CLEC2L: variants seen among roughly 807,000 people sequenced by gnomAD.
CLEC2L encodes C-type lectin domain family 2, member L.
In CLEC2L, 14 loss-of-function variants were observed where a neutral mutation model predicts 23.6. The observed-to-expected ratio is 0.59, with a 90% CI of 0.39 to 0.93. The LOEUF (loss-of-function observed/expected upper bound fraction) is 0.93, where lower values mean the gene tolerates loss of function less well. CLEC2L is among the 40% of genes least tolerant of loss of function. CLEC2L has a pLI of 0.00. For synonymous variants in CLEC2L, 114 were observed against 121.3 expected, an observed-to-expected ratio of 0.94 and a Z score of 0.40; for missense variants, 264 against 282.4, an observed-to-expected ratio of 0.93 and a Z score of 0.47.
At chr7:139,524,943 G>T (rs1432004216) in intron 1 of CLEC2L, among the ~76,000 whole-genome samples, 13 of 152,114 alleles carry the variant, frequency 8.5e-5, no homozygotes, top group African/African-American at 2.9e-4. Flanking sequence ...AGAAAAGGAG[G>T]GCTTCCCAGG....
At chr7:139,538,863 C>T (rs756693127) in intron 2 of CLEC2L, among the ~76,000 whole-genome samples, 1 of 152,208 alleles carries the variant, frequency 6.6e-6, no homozygotes, top group Non-Finnish European at 1.5e-5. Flanking sequence ...TCCTTTTCCC[C>T]TCTTACTAGG....
At chr7:139,531,913 A>T (rs1797588268) in intron 1 of CLEC2L, among the ~76,000 whole-genome samples, 1 of 152,060 alleles carries the variant, frequency 6.6e-6, no homozygotes, top group Non-Finnish European at 1.5e-5. Context: ...CTGTCTCAAA[A>T]AAAAAAAGAA....
Position 139,538,437 on chromosome 7 carries a change from AAAAAAAC to A in CLEC2L, c.266-1863_266-1857del, listed in dbSNP as rs375753465. ...ACAGAAGAGACTCTGTCTCAAAAAA[AAAAAAAC>A]AAAAAACAAAAAACAAAAAAAGGTC... is the stretch of plus-strand genomic sequence containing the variant. On this transcript the variant is annotated intron_variant, in intron 2 of 4. Coordinates refer to ENST00000422142, the MANE Select transcript of CLEC2L (RefSeq NM_001080511.4). 6.2e-3 allele frequency among the ~76,000 whole-genome samples: 931 copies of A among 150,244 alleles called. 6 individuals are homozygous for A. Among genetic ancestry groups the A allele is most frequent in the Non-Finnish European group, 0.011 (729 of 67,756 alleles).
intron 1 of CLEC2L, among the ~76,000 whole-genome samples, chr7:139,527,538 T>C (rs554374291): frequency 1.3e-5 from 2 of 152,318 alleles, no homozygotes; most frequent in South Asian, 4.2e-4. Flanking sequence ...AAGTCTTTTC[T>C]CTCGCTGTAG....
chr7:139,538,134 T>G (rs1439326347), intron 2 of CLEC2L, among the ~76,000 whole-genome samples: 1 of 152,088 alleles, frequency 6.6e-6, no homozygotes, highest in Non-Finnish European at 1.5e-5. Flanking sequence ...TTCTGAGTGT[T>G]TAGAAATGGA....
chr7:139,531,104 G>A (rs1020071110), intron 1 of CLEC2L, among the ~76,000 whole-genome samples: 1 of 152,180 alleles, frequency 6.6e-6, no homozygotes, highest in Non-Finnish European at 1.5e-5. Context: ...GGGCTTGGAG[G>A]CTCCAGTGAA....
At chr7:139,542,772 G>T (rs75111088) in intron 4 of CLEC2L, among the ~76,000 whole-genome samples, 1 of 152,174 alleles carries the variant, frequency 6.6e-6, no homozygotes, top group African/African-American at 2.4e-5. Context: ...GCCAGGTCTG[G>T]TGTGTGGTGT....
chr7:139,540,442 C>T lies in CLEC2L; in HGVS notation c.387C>T (p.His129=). ...RDWNTGRQYC[H]THEAVLAVIQ... is the part of the protein sequence containing the mutation. ...GGAACACAGGCAGGCAGTACTGCCACACCCACGAGGCGGTGCTGGCTGTGA... is the reference window on the plus strand; with the variant it reads ...GGAACACAGGCAGGCAGTACTGCCATACCCACGAGGCGGTGCTGGCTGTGA... The change falls in exon 3 of 5, where the codon CAC becomes CAT. Residue 129 remains histidine (H), a synonymous_variant. Transcript: ENST00000422142. This position sits in a 1 kb window ranked among gnomAD's most constrained non-coding sequence, Gnocchi z 5.8. 1 of 1,604,008 alleles carries T rather than the reference C, an allele frequency of 6.2e-7. No individual in the cohort carries two copies. The highest frequency in any genetic ancestry group is 1.3e-5 in the African/African-American group (1 of 74,866).
intron 1 of CLEC2L, chr7:139,534,447 C>G: frequency 1.2e-6 from 1 of 849,324 alleles, no homozygotes. Context: ...CCTCAGCTGC[C>G]TGGTTTACCG....
At chr7:139,526,008 G>A (rs1797500449) in intron 1 of CLEC2L, among the ~76,000 whole-genome samples, 1 of 152,152 alleles carries the variant, frequency 6.6e-6, no homozygotes, top group African/African-American at 2.4e-5. Flanking sequence ...CATGCCACCT[G>A]CAGTCCCCTC....
chr7:139,537,948 C>T (rs921305928), intron 2 of CLEC2L, among the ~76,000 whole-genome samples: 1 of 152,174 alleles, frequency 6.6e-6, no homozygotes, highest in Non-Finnish European at 1.5e-5. Flanking sequence ...GATTCAAATA[C>T]AAGTGTATTG....
In CLEC2L at chr7:139,523,726, G is replaced by A. The variant is rs1797462719; in HGVS notation, c.-202G>A. ...GAGGCTGCGGCTCGGCGGGGCAGGC[G>A]CTGAGCGCACCGCGGCGGCACCCGG... On this transcript the variant is annotated 5_prime_UTR_variant, in exon 1 of 5. Transcript: ENST00000422142. This position sits in a 1 kb window ranked among gnomAD's most constrained non-coding sequence, Gnocchi z 4.1. The A allele has an allele frequency of 1.0e-5, 2 of 196,158 alleles. No homozygotes were observed. Among genetic ancestry groups the A allele is most frequent in the African/African-American group, 2.4e-5 (1 of 42,144 alleles). The allele number at this position is 196,158 out of a possible 1,614,324, so 12.2% of individuals were successfully genotyped here.
intron 2 of CLEC2L, among the ~76,000 whole-genome samples, chr7:139,538,466 G>A (rs4637762): frequency 0.18 from 26,751 of 148,430 alleles, 6,342 homozygotes; most frequent in African/African-American, 0.55. Flanking sequence ...AACAAAAAAA[G>A]GTCCGGGCGT....
chr7:139,523,965 C>T lies in CLEC2L; in HGVS notation c.38C>T (p.Pro13Leu). 1.0e-6 allele frequency: 1 copy of T among 967,934 alleles called. No individual in the cohort carries two copies. Among genetic ancestry groups the T allele is most frequent in the African/African-American group, 1.8e-5 (1 of 56,386 alleles). The allele number at this position is 967,934 out of a possible 1,614,324, so 60.0% of individuals were successfully genotyped here. A position where few individuals can be genotyped will look rare whatever the true frequency, so the allele number is the denominator to read the frequency against. Residue 13 changes from proline to leucine, a missense_variant, in exon 1 of 5, where the codon CCG (proline) becomes CTG (leucine). By Grantham distance (98) the Pro-to-Leu change is moderately conservative. Coordinates refer to ENST00000422142, the MANE Select transcript of CLEC2L (RefSeq NM_001080511.4). This position sits in a 1 kb window ranked among gnomAD's most constrained non-coding sequence, Gnocchi z 4.1. ...PAREPPSRAR[P>L]PPPLAARPAP... is the part of the protein sequence containing the mutation. ...CGGGAGCCCCCCTCGCGGGCCCGGCCGCCGCCGCCCCTCGCCGCGCGCCCC... is the reference window on the plus strand; with the variant it reads ...CGGGAGCCCCCCTCGCGGGCCCGGCTGCCGCCGCCCCTCGCCGCGCGCCCC...
chr7:139,541,747 A>G (rs1321614118), intron 3 of CLEC2L, among the ~76,000 whole-genome samples: 1 of 152,230 alleles, frequency 6.6e-6, no homozygotes, highest in Non-Finnish European at 1.5e-5. Context: ...CTTCCTGGCC[A>G]GTGGCATGCA....
rs1408425427 is a variant in CLEC2L, at chr7:139,540,547, C to A, written c.432+60C>A. ...GGACCCTCAGGGCCCCCAACCTTGA[C>A]TCTAGGGGACAGCCACACAGTAAAG... On this transcript the variant is annotated intron_variant, in intron 3 of 4. Coordinates refer to ENST00000422142, the MANE Select transcript of CLEC2L (RefSeq NM_001080511.4). The surrounding 1 kb of genome is among the most constrained non-coding windows in gnomAD (Gnocchi z 5.8). The A allele has an allele frequency of 6.5e-7, 1 of 1,529,944 alleles. No homozygotes were observed. Among genetic ancestry groups the A allele is most frequent in the Non-Finnish European group, 8.9e-7 (1 of 1,129,656 alleles). The allele number at this position is 1,529,944 out of a possible 1,614,324, so 94.8% of individuals were successfully genotyped here.
At chr7:139,529,468 A>G (rs2116546414) in intron 1 of CLEC2L, among the ~76,000 whole-genome samples, 1 of 152,302 alleles carries the variant, frequency 6.6e-6, no homozygotes, top group African/African-American at 2.4e-5. Flanking sequence ...AGAAGAGGCT[A>G]ATAGAAGGGA....
At chr7:139,538,437 A>C (rs1319440323) in intron 2 of CLEC2L, among the ~76,000 whole-genome samples, 16 of 150,278 alleles carry the variant, frequency 1.1e-4, no homozygotes, top group African/African-American at 1.7e-4. Context: ...TCTCAAAAAA[A>C]AAAAAACAAA....
chr7:139,534,450 G>A, intron 1 of CLEC2L: 1 of 838,370 alleles, frequency 1.2e-6, no homozygotes, highest in Non-Finnish European at 2.1e-6. Context: ...CAGCTGCCTG[G>A]TTTACCGAGC....
Sources: gnomAD v4.1 joint callset for allele counts (sites outside exome capture counted in the v4.1 genomes callset) on GRCh38, gnomAD v4.1.1 for gene constraint, Gnocchi (gnomAD v3.1) non-coding constraint, MANE v1.5 for transcripts, NCBI Gene and HGNC (gene_info 2026-07-23, HGNC 2026-07-21) for gene names.